TPTE: variants seen among roughly 807,000 people sequenced by gnomAD.
TPTE encodes the protein transmembrane phosphatase with tensin homology.
Under a neutral mutation model 84.1 loss-of-function variants are expected in TPTE, and 59 were observed. The observed-to-expected ratio is 0.70, with a 90% CI of 0.57 to 0.87. The LOEUF (loss-of-function observed/expected upper bound fraction) is 0.87. TPTE is among the 40% of genes least tolerant of loss of function. The pLI is 0.00. For missense variants in TPTE, 382 were observed against 659.6 expected (o/e 0.58, Z 4.61); for synonymous variants, 130 against 223.5 (o/e 0.58, Z 3.73).
At chr21:10,536,010 G>A (rs1389247238) in intron 3 of TPTE, among the ~76,000 whole-genome samples, 1 of 152,312 alleles carries the variant, frequency 6.6e-6, no homozygotes, top group East Asian at 1.9e-4. Flanking sequence ...AGGCATGGTG[G>A]CTCATATCTG....
chr21:10,596,309 T>C (rs1291223485), intron 20 of TPTE, among the ~76,000 whole-genome samples: 2 of 152,428 alleles, frequency 1.3e-5, no homozygotes, highest in East Asian at 1.9e-4. Flanking sequence ...CATCACCAAT[T>C]TGGGGGACTT....
chr21:10,536,806 T>G (rs1355607543), intron 3 of TPTE, among the ~76,000 whole-genome samples: 1 of 152,304 alleles, frequency 6.6e-6, no homozygotes, highest in East Asian at 1.9e-4. Flanking sequence ...TCACCCTTAG[T>G]AGCAGGCACA....
At chr21:10,549,331 C>A (rs1347137169) in intron 7 of TPTE, among the ~76,000 whole-genome samples, 2 of 152,300 alleles carry the variant, frequency 1.3e-5, no homozygotes, top group Non-Finnish European at 2.9e-5. Flanking sequence ...GAAAACATGT[C>A]ACCTACAAAG....
At chr21:10,525,243 C>A (rs1456847125) in intron 2 of TPTE, among the ~76,000 whole-genome samples, 1 of 152,310 alleles carries the variant, frequency 6.6e-6, no homozygotes, top group East Asian at 1.9e-4. Flanking sequence ...ATGGATGTTA[C>A]AATTATATGA....
intron 17 of TPTE, among the ~76,000 whole-genome samples, chr21:10,590,158 CA>C (rs368778922): frequency 2.6e-5 from 4 of 152,246 alleles, no homozygotes; most frequent in African/African-American, 7.2e-5. Flanking sequence ...TACTATTATC[CA>C]AAAAAATCAT....
intron 14 of TPTE, among the ~76,000 whole-genome samples, chr21:10,575,561 G>A (rs1246664319): frequency 2.0e-5 from 3 of 152,304 alleles, no homozygotes; most frequent in Non-Finnish European, 4.4e-5. Context: ...CCTCCTGACT[G>A]GGTGAGAATG....
intron 3 of TPTE, among the ~76,000 whole-genome samples, chr21:10,527,637 T>A (rs1304985821): frequency 2.6e-5 from 4 of 152,304 alleles, no homozygotes. Context: ...TGTATGAGAC[T>A]CTCTTCAAGA....
At chr21:10,562,583 A>T (rs1224328198) in intron 10 of TPTE, among the ~76,000 whole-genome samples, 1 of 152,248 alleles carries the variant, frequency 6.6e-6, no homozygotes, top group East Asian at 1.9e-4. Flanking sequence ...AATTTAAAAG[A>T]ATCAAGCAGA....
intron 14 of TPTE, among the ~76,000 whole-genome samples, chr21:10,574,097 A>T (rs1246182707): frequency 6.6e-6 from 1 of 152,312 alleles, no homozygotes; most frequent in South Asian, 2.1e-4. Context: ...TTAGGTTGAG[A>T]TCCTAAATTA....
intron 1 of TPTE, among the ~76,000 whole-genome samples, chr21:10,522,794 C>T (rs1406299554): frequency 1.3e-5 from 2 of 152,308 alleles, no homozygotes; most frequent in Non-Finnish European, 2.9e-5. Flanking sequence ...TGTTTCAGTA[C>T]ATTTTACATT....
chr21:10,538,984 G>C (rs1197207290), intron 4 of TPTE, among the ~76,000 whole-genome samples: 3 of 152,310 alleles, frequency 2.0e-5, no homozygotes, highest in Non-Finnish European at 4.4e-5. Context: ...GTTTTTAACA[G>C]GATTTCCAAT....
At chr21:10,589,093 C>G (rs573683679) in intron 17 of TPTE, among the ~76,000 whole-genome samples, 9 of 152,264 alleles carry the variant, frequency 5.9e-5, no homozygotes, top group Non-Finnish European at 1.2e-4. Context: ...AGAATTCTTG[C>G]GTGGGTCCTT....
intron 19 of TPTE, among the ~76,000 whole-genome samples, chr21:10,593,608 T>G (rs1424095595): frequency 6.6e-6 from 1 of 152,312 alleles, no homozygotes; most frequent in Non-Finnish European, 1.5e-5. Flanking sequence ...TCATTTAATA[T>G]TCTCAGTAAC....
intron 10 of TPTE, among the ~76,000 whole-genome samples, chr21:10,567,072 A>G (rs1357622822): frequency 9.8e-6 from 1 of 101,784 alleles, no homozygotes; most frequent in Non-Finnish European, 2.1e-5. Flanking sequence ...GCACAGAAGG[A>G]TAAACATCAC....
At chr21:10,594,964 T>C (rs1238539848) in intron 19 of TPTE, among the ~76,000 whole-genome samples, 1 of 152,312 alleles carries the variant, frequency 6.6e-6, no homozygotes, top group Non-Finnish European at 1.5e-5. Flanking sequence ...TAAAGGGAAG[T>C]ATGGCCGTTA....
Position 10,552,257 on chromosome 21 carries a change from T to C in TPTE, c.174-400T>C, listed in dbSNP as rs551656311. ...TTATATGCACAGGGAACCCAAAACA[T>C]TTGTGTGAGTTGCTTAATGCAGTTT... On this transcript the variant is annotated intron_variant, in intron 7 of 23. Transcript: ENST00000618007. Among the ~76,000 whole-genome samples, 4 of 138,416 alleles carry C rather than the reference T, an allele frequency of 2.9e-5. No individual in the cohort carries two copies. The South Asian group carries it at 8.9e-4, about 31-fold the overall frequency. The allele number at this position is 138,416 out of a possible 152,430, so 90.8% of individuals were successfully genotyped here.
intron 17 of TPTE, among the ~76,000 whole-genome samples, chr21:10,582,245 G>A (rs1465901783): frequency 2.0e-5 from 3 of 152,298 alleles, no homozygotes; most frequent in Non-Finnish European, 4.4e-5. Flanking sequence ...CATATAGATA[G>A]CCAATTGTCC....
At chr21:10,526,360 T>C (rs1470977011) in intron 2 of TPTE, among the ~76,000 whole-genome samples, 1 of 152,308 alleles carries the variant, frequency 6.6e-6, no homozygotes. Flanking sequence ...GTTGGAGCTA[T>C]TGATCAGAGT....
At chr21:10,582,982 C>T (rs1484379710) in intron 17 of TPTE, among the ~76,000 whole-genome samples, 1 of 152,312 alleles carries the variant, frequency 6.6e-6, no homozygotes, top group Non-Finnish European at 1.5e-5. Flanking sequence ...ATGTGCCTGC[C>T]TCTGCCTCCC....
Sources: allele counts gnomAD v4.1 joint callset (sites outside exome capture counted in the v4.1 genomes callset), GRCh38; gene constraint gnomAD v4.1.1; transcripts MANE v1.5; gene names NCBI Gene and HGNC (gene_info 2026-07-23, HGNC 2026-07-21).